Variants in CRPPA observed in about 807,000 individuals in gnomAD.
The protein encoded by CRPPA is CDP-L-ribitol pyrophosphorylase A.
In CRPPA, 43 loss-of-function variants were observed where a neutral mutation model predicts 52.0. The observed-to-expected ratio is 0.83, with a 90% CI of 0.65 to 1.07. The LOEUF (loss-of-function observed/expected upper bound fraction) is 1.07. Ranked by LOEUF, CRPPA falls within the 50% of genes least tolerant of loss-of-function variation. CRPPA has a pLI of 0.00. For missense variants in CRPPA, 629 were observed against 551.7 expected, an observed-to-expected ratio of 1.14 and a Z score of -1.40; for synonymous variants, 250 against 203.5, an observed-to-expected ratio of 1.23 and a Z score of -1.94.
intron 6 of CRPPA, chr7:16,269,497 A>T (rs1784040020): frequency 6.6e-6 from 1 of 152,154 alleles, no homozygotes; most frequent in African/African-American, 2.4e-5. Context: ...ACTGCAGAAG[A>T]TCTTCAATGA....
intron 9 of CRPPA, among the ~76,000 whole-genome samples, chr7:16,154,954 C>CA (rs11460350): frequency 0.08 from 11,966 of 149,486 alleles, 1,248 homozygotes; most frequent in East Asian, 0.3. Context: ...ACATGCACCA[C>CA]ACACCCAGCT....
chr7:16,386,954 A>G (rs1399842708), intron 2 of CRPPA, among the ~76,000 whole-genome samples: 2 of 151,346 alleles, frequency 1.3e-5, no homozygotes, highest in Non-Finnish European at 2.9e-5. Context: ...CAGGAAGCAG[A>G]GGTTACAGTG....
intron 5 of CRPPA, among the ~76,000 whole-genome samples, chr7:16,285,460 T>G (rs77999423): frequency 0.041 from 6,182 of 152,196 alleles, 407 homozygotes; most frequent in African/African-American, 0.14. Context: ...GGCAAAATAT[T>G]GATGTCATAA....
chr7:16,420,650 C>G (rs376524597), intron 1 of CRPPA, among the ~76,000 whole-genome samples: 1 of 152,230 alleles, frequency 6.6e-6, no homozygotes, highest in Non-Finnish European at 1.5e-5. Context: ...AACGAACACA[C>G]GCCCTGGAAA....
intron 9 of CRPPA, among the ~76,000 whole-genome samples, chr7:16,124,107 C>CTTTTTTTTTTT (rs35595388): frequency 7.5e-6 from 1 of 133,612 alleles, no homozygotes; most frequent in Non-Finnish European, 1.6e-5. Context: ...CAATTTCTTT[C>CTTTTTTTTTTT]TTTTTTTATT....
chr7:16,393,431 T>C (rs964364750), intron 2 of CRPPA, among the ~76,000 whole-genome samples: 2 of 151,958 alleles, frequency 1.3e-5, no homozygotes, highest in African/African-American at 2.4e-5. Flanking sequence ...AACAGACCCA[T>C]GCTCACATAG....
At chr7:16,117,919 T>C (rs554525083) in intron 9 of CRPPA, among the ~76,000 whole-genome samples, 1 of 152,334 alleles carries the variant, frequency 6.6e-6, no homozygotes, top group East Asian at 1.9e-4. Context: ...CTAGAGTGAC[T>C]GTCTCCTAAA....
chr7:16,196,957 T>A (rs1211878067), intron 9 of CRPPA, among the ~76,000 whole-genome samples: 1 of 151,942 alleles, frequency 6.6e-6, no homozygotes, highest in African/African-American at 2.4e-5. Context: ...ATGCTGACGC[T>A]CATGTTTTAG....
intron 2 of CRPPA, among the ~76,000 whole-genome samples, chr7:16,383,022 C>G (rs1787153776): frequency 6.6e-6 from 1 of 152,212 alleles, no homozygotes; most frequent in African/African-American, 2.4e-5. Context: ...TAGCTTTGTT[C>G]CATTGCTGGT....
At position 16,148,083 on chromosome 7, in the gene CRPPA, T is replaced by C. The variant is rs191631346; in HGVS notation, c.1252-56284A>G. Among the ~76,000 whole-genome samples, 5 of 152,348 alleles carry C rather than the reference T, an allele frequency of 3.3e-5. No individual in the cohort carries two copies. In the East Asian group the frequency reaches 5.8e-4, roughly 18 times the overall value. On this transcript the variant is annotated intron_variant, in intron 9 of 9. Transcript: ENST00000407010. ...CTGCCTCATACAGCTGTTATTTATA[T>C]ACATACCTTATTTCTCCCAATGTAA...
intron 6 of CRPPA, chr7:16,269,981 T>G (rs1470137939): frequency 6.6e-6 from 1 of 152,230 alleles, no homozygotes; most frequent in Non-Finnish European, 1.5e-5. Context: ...CAATTTAGTA[T>G]ACAACATTCT....
intron 6 of CRPPA, among the ~76,000 whole-genome samples, chr7:16,260,345 A>C (rs992963722): frequency 3.3e-5 from 5 of 152,026 alleles, no homozygotes; most frequent in Non-Finnish European, 7.4e-5. Flanking sequence ...TTCCAGAGTT[A>C]TCTCTTGAGG....
chr7:16,156,662 A>T lies in CRPPA; in HGVS notation c.1251+59404T>A, dbSNP rs571550449. 3.5e-3 allele frequency among the ~76,000 whole-genome samples: 529 copies of T among 152,336 alleles called. 3 individuals carry two copies. The highest frequency in any genetic ancestry group is 0.012 in the African/African-American group (495 of 41,570). On this transcript the variant is annotated intron_variant, in intron 9 of 9. Transcript: ENST00000407010. ...ATCTAAGAAAATTCCATTCTACGTT[A>T]TGCTGAATATTTTCACCTCCATCAA...
chr7:16,194,544 C>T (rs1404248529), intron 9 of CRPPA, among the ~76,000 whole-genome samples: 1 of 152,080 alleles, frequency 6.6e-6, no homozygotes, highest in Non-Finnish European at 1.5e-5. Flanking sequence ...AAAGAGAAAA[C>T]CTATGGAAAG....
chr7:16,209,246 A>G, intron 9 of CRPPA: 1 of 259,654 alleles, frequency 3.9e-6, no homozygotes, highest in Admixed American at 5.4e-5. Context: ...AAGAAGAGAC[A>G]CGGCCAAGTA....
chr7:16,143,116 G>C (rs1384055374), intron 9 of CRPPA, among the ~76,000 whole-genome samples: 1 of 152,188 alleles, frequency 6.6e-6, no homozygotes, highest in East Asian at 1.9e-4. Context: ...AGAGTAGGCA[G>C]TACCCAAAGT....
chr7:16,241,693 A>G (rs1421363063), intron 8 of CRPPA, among the ~76,000 whole-genome samples: 1 of 152,140 alleles, frequency 6.6e-6, no homozygotes, highest in Admixed American at 6.6e-5. Flanking sequence ...AGAAAAGGAT[A>G]TTTTGGGAAA....
In CRPPA at chr7:16,211,451, C is replaced by T. The variant is rs537409414; in HGVS notation, c.1251+4615G>A. 1.3e-3 allele frequency among the ~76,000 whole-genome samples: 197 copies of T among 152,230 alleles called. 1 individual carries two copies. The highest frequency in any genetic ancestry group is 2.5e-3 in the Admixed American group (38 of 15,298). ...CAGATTTGGTGTTGCATGTTTGGTA[C>T]GTCTGCCATATGATTCGGTGCCATG... On this transcript the variant is annotated intron_variant, in intron 9 of 9. Transcript: ENST00000407010.
At chr7:16,134,523 G>A (rs1782730430) in intron 9 of CRPPA, among the ~76,000 whole-genome samples, 2 of 152,148 alleles carry the variant, frequency 1.3e-5, no homozygotes, top group Non-Finnish European at 2.9e-5. Context: ...TACCAGTAAG[G>A]CATCCGGTCA....
Sources: allele counts gnomAD v4.1 joint callset (sites outside exome capture counted in the v4.1 genomes callset), GRCh38; gene constraint gnomAD v4.1.1; transcripts MANE v1.5; gene names NCBI Gene and HGNC (gene_info 2026-07-23, HGNC 2026-07-21).